Variants in CDC42BPA observed in about 807,000 individuals in gnomAD.
CDC42BPA encodes the protein CDC42 binding protein kinase alpha.
Under a neutral mutation model 223.5 loss-of-function variants are expected in CDC42BPA, and 80 were observed. The observed-to-expected ratio is 0.36, with a 90% CI of 0.30 to 0.43. The LOEUF (loss-of-function observed/expected upper bound fraction) is 0.43, where lower values mean the gene tolerates loss of function less well. CDC42BPA is among the 20% of genes least tolerant of loss of function. The pLI is 1.00. For missense variants in CDC42BPA, 1,743 were observed against 2,099.9 expected, an observed-to-expected ratio of 0.83 and a Z score of 3.32; for synonymous variants, 694 against 718.6, an observed-to-expected ratio of 0.97 and a Z score of 0.55.
intron 2 of CDC42BPA, among the ~76,000 whole-genome samples, 197 bp downstream of exon 2, chr1:227,253,867 G>C (rs1000628131): frequency 6.6e-6 from 1 of 152,098 alleles, no homozygotes; most frequent in African/African-American, 2.4e-5. Context: ...AAAATTCCCA[G>C]TAGAAATATT....
rs374913161 is a variant in CDC42BPA at position 227,114,017 on chromosome 1, C to CAAAAAAAAAAAAAAAAAAA, written c.1648-1105_1648-1104insTTTTTTTTTTTTTTTTTTT. ...TGGGCAATACAGTGAGACTCCAACTCAAAAAAAAAGAAAAGAAAAGAAGTG... is the reference window on the plus strand; with the variant it reads ...TGGGCAATACAGTGAGACTCCAACTCAAAAAAAAAAAAAAAAAAAAAAAAAAAAGAAAAGAAAAGAAGTG... On this transcript the variant is annotated intron_variant, in intron 12 of 36. Coordinates refer to ENST00000366766, the MANE Select transcript of CDC42BPA (RefSeq NM_001394014.1). Among the ~76,000 whole-genome samples, 49 of 120,206 alleles carry CAAAAAAAAAAAAAAAAAAA rather than the reference C, an allele frequency of 4.1e-4. 1 individual carries two copies. The highest frequency in any genetic ancestry group is 4.4e-3 in the Middle Eastern group (1 of 228). The allele number at this position is 120,206 out of a possible 152,430, so 78.9% of individuals were successfully genotyped here.
At chr1:227,304,759 C>A (rs2148766839) in intron 1 of CDC42BPA, among the ~76,000 whole-genome samples, 1 of 152,246 alleles carries the variant, frequency 6.6e-6, no homozygotes, top group South Asian at 2.1e-4. Flanking sequence ...GAGTCAAATT[C>A]ATTTATAGCT....
intron 1 of CDC42BPA, among the ~76,000 whole-genome samples, chr1:227,311,952 T>A (rs554507911): frequency 6.6e-6 from 1 of 152,260 alleles, no homozygotes; most frequent in East Asian, 1.9e-4. Flanking sequence ...GTGTCCTTTT[T>A]GAAAAAATGA....
intron 21 of CDC42BPA, among the ~76,000 whole-genome samples, chr1:227,058,926 CAAT>C (rs1675179545): frequency 6.7e-6 from 1 of 150,108 alleles, no homozygotes; most frequent in South Asian, 2.1e-4. Context: ...AAATTATAGT[CAAT>C]AAGATGTATA....
intron 1 of CDC42BPA, among the ~76,000 whole-genome samples, chr1:227,308,614 A>C (rs1241189947): frequency 6.6e-6 from 1 of 152,206 alleles, no homozygotes; most frequent in Non-Finnish European, 1.5e-5. Context: ...TTTTAGAAAA[A>C]TAAACTATTA....
At chr1:227,264,775 A>T in intron 1 of CDC42BPA, 1 of 995,074 alleles carries the variant, frequency 1.0e-6, no homozygotes, top group East Asian at 2.4e-5. Flanking sequence ...CAAGCTTTAA[A>T]GAATCTTCCA....
chr1:227,070,181 G>A (rs1053045187), intron 20 of CDC42BPA, among the ~76,000 whole-genome samples: 1 of 151,740 alleles, frequency 6.6e-6, no homozygotes, highest in African/African-American at 2.4e-5. Flanking sequence ...GTTTATATCT[G>A]ATTTTTCTAA....
In CDC42BPA at chr1:227,036,022, C is replaced by T. The variant is rs962137043; in HGVS notation, c.3200-415G>A. 9.2e-5 allele frequency among the ~76,000 whole-genome samples: 14 copies of T among 152,242 alleles called. No individual in the cohort carries two copies. In the East Asian group the frequency reaches 1.2e-3, roughly 13 times the overall value. On this transcript the variant is annotated intron_variant, in intron 24 of 36. Coordinates refer to ENST00000366766, the MANE Select transcript of CDC42BPA (RefSeq NM_001394014.1). Reference sequence around the variant, plus strand: ...TGGGCATTAAGCTACCTGACATCTTCGGTTTGGCAAACTCTACCAATCCTT... The same window carrying T: ...TGGGCATTAAGCTACCTGACATCTTTGGTTTGGCAAACTCTACCAATCCTT...
intron 1 of CDC42BPA, among the ~76,000 whole-genome samples, chr1:227,314,024 A>T (rs989996736): frequency 1.3e-5 from 2 of 152,096 alleles, no homozygotes; most frequent in Non-Finnish European, 2.9e-5. Context: ...TTATTAAGTA[A>T]ATTGGTAAAT....
chr1:227,153,387 A>T (rs1344627649), intron 6 of CDC42BPA, among the ~76,000 whole-genome samples: 1 of 152,014 alleles, frequency 6.6e-6, no homozygotes, highest in Non-Finnish European at 1.5e-5. Context: ...CTAACTAAAC[A>T]AATAAATATA....
chr1:227,011,201 T>A (rs1336604327), intron 34 of CDC42BPA: 2 of 248,204 alleles, frequency 8.1e-6, no homozygotes, highest in Non-Finnish European at 1.4e-5. Flanking sequence ...CTTTTAGGTC[T>A]TAGAAAGTTA....
intron 2 of CDC42BPA, chr1:227,219,535 C>G (rs1298913620): frequency 6.6e-6 from 1 of 152,172 alleles, no homozygotes; most frequent in Admixed American, 6.5e-5. Context: ...ATCTTGCTCA[C>G]TGTTTCCCAT....
rs193217914 is a variant in CDC42BPA, at chr1:227,216,976, T to C, written c.271-3757A>G. Among the ~76,000 whole-genome samples, 81 of 152,322 alleles carry C rather than the reference T, an allele frequency of 5.3e-4. 1 individual carries two copies. Among genetic ancestry groups the C allele is most frequent in the Non-Finnish European group, 1.5e-5 (1 of 68,018 alleles). On this transcript the variant is annotated intron_variant, in intron 2 of 36. Transcript: ENST00000366766. ...TACAAATCAGTTCTTAAACACAATG[T>C]ATTATCATTTGAAGCTACAAACTAG...
intron 11 of CDC42BPA, 46 bp from the exon 12 acceptor site, chr1:227,119,983 A>T: frequency 6.7e-7 from 1 of 1,498,978 alleles, no homozygotes; most frequent in Non-Finnish European, 9.0e-7. Flanking sequence ...TATAAAAGCA[A>T]ATGATTGAAC....
chr1:227,163,094 GTGTTTCCAAACATATATGTGTGTA>G (rs1558650144), intron 5 of CDC42BPA, among the ~76,000 whole-genome samples: 22 of 98,788 alleles, frequency 2.2e-4, no homozygotes, highest in Middle Eastern at 5.4e-3. Context: ...CCAAACATGT[GTGTTTCCAAACATATATGTGTGTA>G]TGTTTCCAAA....
At chr1:227,221,554 C>T (rs1675903113) in intron 2 of CDC42BPA, among the ~76,000 whole-genome samples, 2 of 129,786 alleles carry the variant, frequency 1.5e-5, no homozygotes, top group South Asian at 5.6e-4. Context: ...CTTCCCACTA[C>T]CCCTGGCCTA....
chr1:227,089,627 GTTT>G lies in CDC42BPA; in HGVS notation c.2355+2256_2355+2258del, dbSNP rs72110440. Among the ~76,000 whole-genome samples the G allele has an allele frequency of 9.3e-3, 1,088 of 116,684 alleles. 13 individuals are homozygous for G. The highest frequency in any genetic ancestry group is 0.056 in the East Asian group (221 of 3,924). The allele number at this position is 116,684 out of a possible 152,430, so 76.5% of individuals were successfully genotyped here. A position where few individuals can be genotyped will look rare whatever the true frequency, so the allele number is the denominator to read the frequency against. ...CAATTTAGCAAGAATGGGTAATTCCGTTTTTTTTTTTTTTTTTTTTTTTTAAAA... is the reference window on the plus strand; with the variant it reads ...CAATTTAGCAAGAATGGGTAATTCCGTTTTTTTTTTTTTTTTTTTTTAAAA... On this transcript the variant is annotated intron_variant, in intron 16 of 36. Coordinates refer to ENST00000366766, the MANE Select transcript of CDC42BPA (RefSeq NM_001394014.1).
At chr1:227,049,233 T>TA (rs1176294637) in intron 22 of CDC42BPA, among the ~76,000 whole-genome samples, 9 of 150,710 alleles carry the variant, frequency 6.0e-5, no homozygotes, top group Non-Finnish European at 8.9e-5. Context: ...TTATTAGAAT[T>TA]AAAAAAAATT....
At chr1:227,157,590 T>C (rs556269087) in intron 6 of CDC42BPA, among the ~76,000 whole-genome samples, 5 of 152,316 alleles carry the variant, frequency 3.3e-5, no homozygotes, top group South Asian at 2.1e-4. Flanking sequence ...GTTTGAGATA[T>C]GGTAAAATTC....
Sources: allele counts gnomAD v4.1 joint callset (sites outside exome capture counted in the v4.1 genomes callset), GRCh38; gene constraint gnomAD v4.1.1; transcripts MANE v1.5; gene names NCBI Gene and HGNC (gene_info 2026-07-23, HGNC 2026-07-21).